The following MEIS3 variants were observed in gnomAD, a reference collection of about 807,000 sequenced individuals.
MEIS3 encodes Meis homeobox 3, also known as homeobox protein Meis3.
In MEIS3, 38 loss-of-function variants were observed where a neutral mutation model predicts 51.4. The ratio of observed to expected loss-of-function variants is 0.74; its 90% CI spans 0.57 to 0.97. The LOEUF (loss-of-function observed/expected upper bound fraction) is 0.97. Ranked by LOEUF, MEIS3 falls within the 50% of genes least tolerant of loss-of-function variation. MEIS3 has a pLI of 0.00. For missense variants in MEIS3, 456 were observed against 502.6 expected (o/e 0.91, Z 0.89); for synonymous variants, 198 against 201.8 (o/e 0.98, Z 0.16).
In MEIS3 at chr19:47,407,149, T is replaced by C. The variant is rs529106648; in HGVS notation, c.936-12A>G. The C allele has an allele frequency of 3.7e-6, 6 of 1,606,012 alleles. No individual in the cohort carries two copies. The highest frequency in any genetic ancestry group is 2.7e-5 in the African/African-American group (2 of 74,706). ...GGGCGTTAATGAACCTGGGAGGCGGTCATGGAAACGGAGGGGAATGAAAAG... is the reference window on the plus strand; with the variant it reads ...GGGCGTTAATGAACCTGGGAGGCGGCCATGGAAACGGAGGGGAATGAAAAG... On this transcript the variant is annotated splice_polypyrimidine_tract_variant and intron_variant, in intron 9 of 12. Transcript: ENST00000558555.
chr19:47,406,810 A>C, intron 11 of MEIS3, 78 bp downstream of exon 11: 1 of 1,309,538 alleles, frequency 7.6e-7, no homozygotes, highest in Non-Finnish European at 1.0e-6. Flanking sequence ...CTTGAATTGA[A>C]TCTCAGGTGG....
chr19:47,404,219 C>T (rs1970716160), intron 12 of MEIS3, among the ~76,000 whole-genome samples: 1 of 151,890 alleles, frequency 6.6e-6, no homozygotes, highest in Non-Finnish European at 1.5e-5. Context: ...ACTGGGCAGC[C>T]AGGCAGTGGG....
chr19:47,417,668 CAG>C (rs752394620), intron 1 of MEIS3: 9 of 702,466 alleles, frequency 1.3e-5, no homozygotes, highest in South Asian at 1.0e-4. Flanking sequence ...GTGACAGAGA[CAG>C]AGAGAGAGAC....
chr19:47,407,069 C>T lies in MEIS3; in HGVS notation c.994+10G>A. 3 of 1,608,746 alleles carry T rather than the reference C, an allele frequency of 1.9e-6. No individual in the cohort carries two copies. Among genetic ancestry groups the T allele is most frequent in the East Asian group, 2.2e-5 (1 of 44,758 alleles). ...ACCCCAGGCTCTCCGTCCCCGCCTT[C>T]CCCCTGTACCTGTGCGGTTGGATTG... On this transcript the variant is annotated intron_variant, in intron 10 of 12. Coordinates refer to ENST00000558555, the MANE Select transcript of MEIS3 (RefSeq NM_001301059.2).
At chr19:47,406,616 G>C (rs189505162) in intron 11 of MEIS3, 90 bp from the exon 12 acceptor site, 1 of 1,281,452 alleles carries the variant, frequency 7.8e-7, no homozygotes, top group East Asian at 2.3e-5. Context: ...CTACACCAGG[G>C]GATCCCTCTA....
Position 47,417,191 on chromosome 19 carries a change from CCTT to C in MEIS3, c.169_171del (p.Lys57del), listed in dbSNP as rs1257787422. On this transcript the variant is annotated inframe_deletion, in exon 2 of 13. Coordinates refer to ENST00000558555, the MANE Select transcript of MEIS3 (RefSeq NM_001301059.2). ...GGCCCCACTCACCCATAGATCTCATCCTTCTCCCTCTTCAGGCCGTCGCTGTCC... is the reference window on the plus strand; with the variant it reads ...GGCCCCACTCACCCATAGATCTCATCCTCCCTCTTCAGGCCGTCGCTGTCC... 1 of 1,555,598 alleles carries C rather than the reference CCTT, an allele frequency of 6.4e-7. No homozygotes were observed.
chr19:47,409,167 T>C lies in MEIS3; in HGVS notation c.790A>G (p.Lys264Glu). 1 of 1,612,434 alleles carries C rather than the reference T, an allele frequency of 6.2e-7. No homozygotes were observed. The highest frequency in any genetic ancestry group is 8.5e-7 in the Non-Finnish European group (1 of 1,179,998). ...EDLDQERRRN[K>E]KRGIFPKVAT... ...ACCTTGGGGAAGATCCCCCTCTTCT[T>C]GTTTCGCCGTCGCTCCTGGTCCAAG... The change falls in exon 8 of 13, where the codon AAG becomes GAG. Residue 264 changes from lysine to glutamate, a missense_variant. Physicochemically the swap from Lys to Glu is moderately conservative, Grantham distance 56. Transcript: ENST00000558555.
intron 6 of MEIS3, among the ~76,000 whole-genome samples, chr19:47,413,167 C>T (rs1395695951): frequency 6.6e-6 from 1 of 151,336 alleles, no homozygotes; most frequent in Admixed American, 6.6e-5. Context: ...GAGGCCGAGG[C>T]GGGAGGATCA....
At chr19:47,406,550 G>T in intron 11 of MEIS3, 24 bp from the exon 12 acceptor site, 1 of 1,613,458 alleles carries the variant, frequency 6.2e-7, no homozygotes, top group Non-Finnish European at 8.5e-7. Flanking sequence ...AAAAAGGAGG[G>T]TAAGTGCGTC....
intron 6 of MEIS3, 148 bp downstream of exon 6, chr19:47,414,569 G>A (rs1971298955): frequency 6.7e-6 from 6 of 894,470 alleles, no homozygotes; most frequent in East Asian, 2.7e-5. Context: ...CTGTTGTGTA[G>A]TGGGTGTGTG....
chr19:47,419,704 C>T (rs945396167), upstream of MEIS3, among the ~76,000 whole-genome samples: 11 of 150,682 alleles, frequency 7.3e-5, no homozygotes, highest in Middle Eastern at 3.2e-3. Flanking sequence ...GGCCCTGGTG[C>T]CCCCAGGCCC....
upstream of MEIS3, among the ~76,000 whole-genome samples, chr19:47,420,117 G>A (rs373782656): frequency 5.3e-5 from 8 of 152,162 alleles, no homozygotes; most frequent in African/African-American, 1.4e-4. Context: ...GAGGCTGGCC[G>A]TTTAAGGCAG....
Position 47,409,499 on chromosome 19 carries a change from C to T in MEIS3, c.646G>A (p.Gly216Arg), listed in dbSNP as rs752051957. Residue 216 changes from glycine (G) to arginine (R), a missense_variant, in exon 7 of 13, where the codon GGG (glycine) becomes AGG (arginine). Gly to Arg is a moderately radical substitution (Grantham distance 125). Coordinates refer to ENST00000558555, the MANE Select transcript of MEIS3 (RefSeq NM_001301059.2). ...DHEDSGSVHLGTPGPSSGGLA... is the reference protein window; with the variant it reads ...DHEDSGSVHLRTPGPSSGGLA... ...CCCCCACTGGATGGACCTGGGGTCCCCAAATGTACAGACCCACTATCCTCA... is the reference window on the plus strand; with the variant it reads ...CCCCCACTGGATGGACCTGGGGTCCTCAAATGTACAGACCCACTATCCTCA... The T allele has an allele frequency of 7.4e-6, 12 of 1,614,118 alleles. No homozygotes were observed. In the South Asian group the frequency reaches 9.9e-5, roughly 13 times the overall value.
intron 1 of MEIS3, chr19:47,418,719 G>T: frequency 4.9e-6 from 1 of 202,264 alleles, no homozygotes. Context: ...GGAGGGCAGA[G>T]AGAGGGGGAT....
chr19:47,421,788 T>C (rs1450710819), upstream of MEIS3, among the ~76,000 whole-genome samples: 3 of 151,222 alleles, frequency 2.0e-5, no homozygotes, highest in Non-Finnish European at 3.0e-5. Flanking sequence ...TTTGTCTGGA[T>C]GTCTTCTCTG....
rs1468110857 is a variant in MEIS3, at chr19:47,407,364, T to C, written c.923A>G (p.Gln308Arg). 9 of 1,613,148 alleles carry C rather than the reference T, an allele frequency of 5.6e-6. No individual in the cohort carries two copies. Among genetic ancestry groups the C allele is most frequent in the Non-Finnish European group, 7.6e-6 (9 of 1,179,764 alleles). The change falls in exon 9 of 13, where the codon CAA becomes CGA. Residue 308 changes from glutamine (Q) to arginine (R), a missense_variant. Coordinates refer to ENST00000558555, the MANE Select transcript of MEIS3 (RefSeq NM_001301059.2). The stretch of plus-strand genomic sequence containing the variant: ...CTGGGCCACTCACCAGTTGTTGACT[T>C]GCAGGATGGTGAGCCCCGTGTCCTG... ...LAQDTGLTIL[Q>R]VNNWFINARR...
In MEIS3 at chr19:47,417,245, G is replaced by A. The variant is rs1568429878; in HGVS notation, c.118C>T (p.Pro40Ser). Residue 40 changes from proline (P) to serine (S), a missense_variant, in exon 2 of 13, where the codon CCT becomes TCT. By Grantham distance (74) the Pro-to-Ser change is moderately conservative. Transcript: ENST00000558555. ...AAGCCTGGGGGCAGGGGCTGGGGAG[G>A]CCGGTGCGGGCCATAGGGCCCTGGT... ...AVPGPYGPHR[P>S]PQPLPPGLDS... is the part of the protein sequence containing the mutation. 6.2e-7 allele frequency: 1 copy of A among 1,605,892 alleles called. No homozygotes were observed. Among genetic ancestry groups the A allele is most frequent in the Admixed American group, 1.7e-5 (1 of 58,570 alleles).
Position 47,417,191 on chromosome 19 carries a change from C to G in MEIS3, c.172G>C (p.Asp58His). The G allele has an allele frequency of 6.4e-7, 1 of 1,555,718 alleles. No homozygotes were observed. The highest frequency in any genetic ancestry group is 1.8e-4 in the Middle Eastern group (1 of 5,498). ...GGCCCCACTCACCCATAGATCTCATCCTTCTCCCTCTTCAGGCCGTCGCTG... is the reference window on the plus strand; with the variant it reads ...GGCCCCACTCACCCATAGATCTCATGCTTCTCCCTCTTCAGGCCGTCGCTG... ...LDSDGLKREK[D>H]EIYGHPLFPL... The change falls in exon 2 of 13, where the codon GAT becomes CAT. Residue 58 changes from aspartate to histidine, a missense_variant. By Grantham distance (81) the Asp-to-His change is moderately conservative. Coordinates refer to ENST00000558555, the MANE Select transcript of MEIS3 (RefSeq NM_001301059.2).
In MEIS3 at chr19:47,416,958, G is replaced by T. The variant is rs199683999; in HGVS notation, c.191C>A (p.Pro64Gln). The T allele has an allele frequency of 2.5e-6, 4 of 1,580,854 alleles. No individual in the cohort carries two copies. The highest frequency in any genetic ancestry group is 2.6e-6 in the Non-Finnish European group (3 of 1,163,236). The change falls in exon 3 of 13, where the codon CCG (proline) becomes CAG (glutamine). Residue 64 changes from proline (P) to glutamine (Q), a missense_variant. Pro to Gln is a moderately conservative substitution (Grantham distance 76). Coordinates refer to ENST00000558555, the MANE Select transcript of MEIS3 (RefSeq NM_001301059.2). The part of the protein sequence containing the change: ...KREKDEIYGH[P>Q]LFPLLALVFE... ...GACCAGGGCCAAGAGGGGGAAGAGC[G>T]GGTGTCTGGGGAGGCAGGAAAGGAG...
Sources: allele counts gnomAD v4.1 joint callset (sites outside exome capture counted in the v4.1 genomes callset), GRCh38; gene constraint gnomAD v4.1.1; transcripts MANE v1.5; gene names NCBI Gene and HGNC (gene_info 2026-07-23, HGNC 2026-07-21).